The following GUCA1C variants were observed in gnomAD, a reference collection of about 807,000 sequenced individuals.
GUCA1C encodes guanylate cyclase activator 1C, also known as guanylyl cyclase-activating protein 3.
In GUCA1C, 15 loss-of-function variants were observed where a neutral mutation model predicts 16.2. The observed-to-expected ratio is 0.93, with a 90% CI of 0.62 to 1.43. The LOEUF is 1.43. Among genes scored for constraint, GUCA1C ranks in the 40% most tolerant of loss-of-function variants. The probability of loss-of-function intolerance (pLI) is 0.00; values close to 1 mark genes in which losing one functional copy is unlikely to be tolerated. For missense variants in GUCA1C, 275 were observed against 244.8 expected, an observed-to-expected ratio of 1.12 and a Z score of -0.82; for synonymous variants, 78 against 85.4, an observed-to-expected ratio of 0.91 and a Z score of 0.48.
chr3:108,914,860 C>G (rs903472536), intron 3 of GUCA1C, among the ~76,000 whole-genome samples: 2 of 152,194 alleles, frequency 1.3e-5, no homozygotes, highest in African/African-American at 4.8e-5. Context: ...CCTGGCTGCA[C>G]GTAGCCTCCT....
In GUCA1C at chr3:108,910,597, C is replaced by T. The variant is rs555317477; in HGVS notation, c.443-2388G>A. Among the ~76,000 whole-genome samples, 8 of 152,010 alleles carry T rather than the reference C, an allele frequency of 5.3e-5. No homozygotes were observed. In the South Asian group the frequency reaches 1.7e-3, roughly 32 times the overall value. On this transcript the variant is annotated intron_variant, in intron 3 of 3. Transcript: ENST00000261047. ...ACTTAGAAGTAATCTGAAGTCATTA[C>T]TGAGTTTTTATTACTTTGTTTTATA...
At chr3:108,911,871 C>T (rs1369734010) in intron 3 of GUCA1C, among the ~76,000 whole-genome samples, 2 of 151,954 alleles carry the variant, frequency 1.3e-5, no homozygotes, top group African/African-American at 4.8e-5. Flanking sequence ...TTTGGGAGGC[C>T]GAGGCGGGCG....
At chr3:108,939,713 CCTTT>C (rs887758759) in intron 1 of GUCA1C, among the ~76,000 whole-genome samples, 8 of 151,992 alleles carry the variant, frequency 5.3e-5, no homozygotes, top group Non-Finnish European at 8.8e-5. Flanking sequence ...CTCAGAATCC[CCTTT>C]CTTTATGTAC....
At chr3:108,924,907 T>G (rs575138538) in intron 1 of GUCA1C, among the ~76,000 whole-genome samples, 1 of 152,288 alleles carries the variant, frequency 6.6e-6, no homozygotes, top group South Asian at 2.1e-4. Context: ...GTTTTCTATT[T>G]TATGCACAAA....
At chr3:108,918,814 A>G (rs192291628) in intron 2 of GUCA1C, among the ~76,000 whole-genome samples, 14 of 152,248 alleles carry the variant, frequency 9.2e-5, no homozygotes, top group African/African-American at 3.4e-4. Context: ...TTATATAGAA[A>G]GTGTGTTCCT....
intron 1 of GUCA1C, among the ~76,000 whole-genome samples, chr3:108,943,108 GA>G (rs1351682821): frequency 6.6e-6 from 1 of 152,172 alleles, no homozygotes; most frequent in Non-Finnish European, 1.5e-5. Flanking sequence ...AAAAGATTTA[GA>G]AGAATGCATA....
At chr3:108,932,913 A>G (rs1344869244) in intron 1 of GUCA1C, among the ~76,000 whole-genome samples, 2 of 149,588 alleles carry the variant, frequency 1.3e-5, no homozygotes, top group Non-Finnish European at 3.0e-5. Context: ...CAAGAAAAAA[A>G]AAAAAAATCT....
intron 1 of GUCA1C, among the ~76,000 whole-genome samples, chr3:108,937,921 C>T (rs1055037397): frequency 1.3e-4 from 19 of 151,986 alleles, no homozygotes; most frequent in Non-Finnish European, 2.1e-4. Flanking sequence ...AAATACAAAA[C>T]TTAGCGGGGC....
chr3:108,952,866 CTTTTT>C (rs3842574), intron 1 of GUCA1C, among the ~76,000 whole-genome samples: 2 of 147,974 alleles, frequency 1.4e-5, no homozygotes, highest in Non-Finnish European at 3.0e-5. Context: ...TTTTGTCTCT[CTTTTT>C]TTTTTCAATT....
At chr3:108,941,360 A>G (rs1377422504) in intron 1 of GUCA1C, among the ~76,000 whole-genome samples, 1 of 152,148 alleles carries the variant, frequency 6.6e-6, no homozygotes, top group Admixed American at 6.5e-5. Flanking sequence ...ACATGAACCT[A>G]ATGCTGACAA....
chr3:108,930,513 A>G (rs912002489), intron 1 of GUCA1C, among the ~76,000 whole-genome samples: 4 of 152,240 alleles, frequency 2.6e-5, no homozygotes, highest in Non-Finnish European at 5.9e-5. Flanking sequence ...TAATCACTGT[A>G]GCATTGTTTT....
intron 2 of GUCA1C, among the ~76,000 whole-genome samples, chr3:108,918,721 C>T (rs1946543321): frequency 6.6e-6 from 1 of 152,142 alleles, no homozygotes; most frequent in South Asian, 2.1e-4. Context: ...GGGCTGAATT[C>T]CATTTTAGCC....
chr3:108,934,808 C>CT (rs71629371), intron 1 of GUCA1C, among the ~76,000 whole-genome samples: 21,045 of 85,908 alleles, frequency 0.24, 4,966 homozygotes, highest in East Asian at 0.64. Context: ...TGTTCTTGAT[C>CT]TTTTTTTTTT....
intron 1 of GUCA1C, among the ~76,000 whole-genome samples, chr3:108,932,940 AAAAG>A (rs1470111986): frequency 2.7e-5 from 4 of 150,318 alleles, no homozygotes; most frequent in African/African-American, 7.5e-5. Flanking sequence ...AAAAAAAAAA[AAAAG>A]AAGAAGTCCA....
chr3:108,930,902 C>G (rs190009036), intron 1 of GUCA1C, among the ~76,000 whole-genome samples: 1 of 152,090 alleles, frequency 6.6e-6, no homozygotes, highest in Non-Finnish European at 1.5e-5. Context: ...AAGATGACAA[C>G]GAGGTATCAT....
intron 1 of GUCA1C, among the ~76,000 whole-genome samples, chr3:108,949,811 T>TA (rs1262332948): frequency 2.0e-5 from 3 of 152,246 alleles, no homozygotes; most frequent in Non-Finnish European, 4.4e-5. Flanking sequence ...ATGTTATTTT[T>TA]ATGTGTATTC....
chr3:108,936,899 C>T (rs529507466), intron 1 of GUCA1C, among the ~76,000 whole-genome samples: 1 of 152,180 alleles, frequency 6.6e-6, no homozygotes, highest in Non-Finnish European at 1.5e-5. Flanking sequence ...CCACACCTCT[C>T]CTTCAGTGCC....
intron 1 of GUCA1C, among the ~76,000 whole-genome samples, chr3:108,934,669 T>C (rs1946704147): frequency 6.6e-6 from 1 of 152,096 alleles, no homozygotes; most frequent in Non-Finnish European, 1.5e-5. Flanking sequence ...ATGTACACCA[T>C]GAAATACTAT....
At chr3:108,922,869 T>C (rs978475522) in intron 1 of GUCA1C, among the ~76,000 whole-genome samples, 2 of 152,174 alleles carry the variant, frequency 1.3e-5, no homozygotes, top group African/African-American at 2.4e-5. Flanking sequence ...TGTGTTCTCA[T>C]TGTTCAACTC....
Sources: gnomAD v4.1 joint callset for allele counts (sites outside exome capture counted in the v4.1 genomes callset) on GRCh38, gnomAD v4.1.1 for gene constraint, MANE v1.5 for transcripts, NCBI Gene and HGNC (gene_info 2026-07-23, HGNC 2026-07-21) for gene names.